Variants in TBC1D24 observed in about 807,000 individuals in gnomAD.
TBC1D24 encodes the protein Infantile myoclonic epilepsy.
In TBC1D24, 47 loss-of-function variants were observed where a neutral mutation model predicts 50.7. The ratio of observed to expected loss-of-function variants is 0.93; its 90% CI spans 0.73 to 1.18. TBC1D24 has a LOEUF of 1.18. TBC1D24 is among the 50% of genes most tolerant of loss of function. TBC1D24 has a pLI of 0.00. For missense variants in TBC1D24, 688 were observed against 766.5 expected (o/e 0.90, Z 1.21); for synonymous variants, 324 against 335.2 (o/e 0.97, Z 0.36).
intron 2 of TBC1D24, 143 bp downstream of exon 2, chr16:2,497,256 T>A (rs1164613847): frequency 1.7e-6 from 2 of 1,144,998 alleles, no homozygotes; most frequent in Non-Finnish European, 2.5e-6. Context: ...GAAAAGACAC[T>A]GAAACAGGAA....
chr16:2,498,394 C>CA lies in TBC1D24; in HGVS notation c.1141dup (p.Arg381LysfsTer7), dbSNP rs1205407936. The CA allele has an allele frequency of 1.2e-6, 2 of 1,603,472 alleles. No individual in the cohort carries two copies. The highest frequency in any genetic ancestry group is 1.7e-5 in the Admixed American group (1 of 58,638). ...CCCTGCAGCACGGGTACAGCCTGGCCAGGTAACACCCCAAGGGGCCAGAGC... is the reference window on the plus strand; with the variant it reads ...CCCTGCAGCACGGGTACAGCCTGGCCAAGGTAACACCCCAAGGGGCCAGAGC... On this transcript the variant is annotated frameshift_variant and splice_region_variant, in exon 4 of 8. Transcript: ENST00000646147. LOFTEE classifies it high-confidence loss of function.
rs544695547 is a variant in TBC1D24 at position 2,482,514 on chromosome 16, G to A, written c.-116+7344G>A. On this transcript the variant is annotated intron_variant, in intron 1 of 7. Transcript: ENST00000646147. The surrounding 1 kb of genome is among the most constrained non-coding windows in gnomAD (Gnocchi z 5.2). ...ACAGTGTAGTGTGGGGACTGCAGTT[G>A]GCACTGTGTGGCCAGGGCTCCGGAA... Among the ~76,000 whole-genome samples the A allele has an allele frequency of 1.3e-5, 2 of 152,316 alleles. No homozygotes were observed. The highest frequency in any genetic ancestry group is 4.8e-5 in the African/African-American group (2 of 41,568).
intron 1 of TBC1D24, chr16:2,481,935 C>G (rs932396738): frequency 6.6e-6 from 1 of 152,290 alleles, no homozygotes; most frequent in Non-Finnish European, 1.5e-5. Context: ...CATTGTGTGC[C>G]TCCGGCAAAG....
chr16:2,490,644 G>A (rs965028031), intron 1 of TBC1D24, among the ~76,000 whole-genome samples: 1 of 152,208 alleles, frequency 6.6e-6, no homozygotes, highest in African/African-American at 2.4e-5. Context: ...GGGTTGCTTG[G>A]GAACTGTTGC....
chr16:2,486,883 T>C lies in TBC1D24; in HGVS notation c.-115-9151T>C, dbSNP rs569643378. On this transcript the variant is annotated intron_variant, in intron 1 of 7. Transcript: ENST00000646147. The surrounding 1 kb of genome is among the most constrained non-coding windows in gnomAD (Gnocchi z 5.8). ...ACTGTCAGGCCACGGTCCTGTGGGA[T>C]CCAACCCTGAGCCATCTCTGGGGGT... Among the ~76,000 whole-genome samples, 150 of 152,286 alleles carry C rather than the reference T, an allele frequency of 9.8e-4. No homozygotes were observed. The highest frequency in any genetic ancestry group is 3.4e-3 in the African/African-American group (143 of 41,570).
At chr16:2,492,654 G>A (rs2065705000) in intron 1 of TBC1D24, among the ~76,000 whole-genome samples, 2 of 152,200 alleles carry the variant, frequency 1.3e-5, no homozygotes, top group South Asian at 2.1e-4. Flanking sequence ...GCGCATGTGA[G>A]TGGACCTGTC....
rs757521307 is a variant in TBC1D24 at position 2,496,979 on chromosome 16, G to A, written c.831G>A (p.Ala277=). 8.1e-6 allele frequency: 13 copies of A among 1,613,860 alleles called. No homozygotes were observed. The highest frequency in any genetic ancestry group is 1.3e-5 in the African/African-American group (1 of 74,944). ...QDIRTFVRDI[A]KTVSPEKLLE... is the part of the protein sequence containing the mutation. Reference sequence around the variant, plus strand: ...TCCGCACGTTCGTCAGAGACATCGCGAAGACGGTGTCCCCTGAGAAGCTGC... The same window carrying A: ...TCCGCACGTTCGTCAGAGACATCGCAAAGACGGTGTCCCCTGAGAAGCTGC... Residue 277 remains alanine (A), a synonymous_variant, in exon 2 of 8, where the codon GCG becomes GCA. Coordinates refer to ENST00000646147, the MANE Select transcript of TBC1D24 (RefSeq NM_001199107.2).
In TBC1D24 at chr16:2,475,638, C is replaced by T. The variant is rs1252290137; in HGVS notation, c.-116+468C>T. Among the ~76,000 whole-genome samples, 1 of 150,100 alleles carries T rather than the reference C, an allele frequency of 6.7e-6. No individual in the cohort carries two copies. The highest frequency in any genetic ancestry group is 1.5e-5 in the Non-Finnish European group (1 of 67,862). On this transcript the variant is annotated intron_variant, in intron 1 of 7. Transcript: ENST00000646147. This position sits in a 1 kb window ranked among gnomAD's most constrained non-coding sequence, Gnocchi z 4.2. ...CCGCCCCGCCCAGGGATGACACACG[C>T]CCCCACCGACCACCCGCTTGGGGGT... is the stretch of plus-strand genomic sequence containing the variant.
Position 2,496,659 on chromosome 16 carries a change from C to G in TBC1D24, c.511C>G (p.Gln171Glu). ...CNDPGRRLID[Q>E]SFLAFESSCM... The stretch of plus-strand genomic sequence containing the variant: ...TGACCCCGGCAGGAGGCTGATCGAC[C>G]AGAGCTTCCTGGCCTTTGAGTCGTC... Residue 171 changes from glutamine to glutamate, a missense_variant, in exon 2 of 8, where the codon CAG (glutamine) becomes GAG (glutamate). Gln to Glu is a conservative substitution (Grantham distance 29). Coordinates refer to ENST00000646147, the MANE Select transcript of TBC1D24 (RefSeq NM_001199107.2). 6.2e-7 allele frequency: 1 copy of G among 1,613,028 alleles called. No homozygotes were observed. The highest frequency in any genetic ancestry group is 8.5e-7 in the Non-Finnish European group (1 of 1,180,024).
chr16:2,500,990 G>A lies in TBC1D24; in HGVS notation c.*32G>A, dbSNP rs1401074951. 1 of 1,604,526 alleles carries A rather than the reference G, an allele frequency of 6.2e-7. No individual in the cohort carries two copies. The highest frequency in any genetic ancestry group is 1.3e-5 in the African/African-American group (1 of 74,920). On this transcript the variant is annotated 3_prime_UTR_variant, in exon 8 of 8. Transcript: ENST00000646147. This position sits in a 1 kb window ranked among gnomAD's most constrained non-coding sequence, Gnocchi z 8.0. ...GTGCCACGGTGACTGAGCCGTGGTG[G>A]GGCGGTGGGCCGAGGCTGGGCTGCC...
chr16:2,500,196 C>T lies in TBC1D24; in HGVS notation c.1303-72C>T, dbSNP rs549533217. 4.9e-5 allele frequency: 69 copies of T among 1,401,018 alleles called. No homozygotes were observed. The highest frequency in any genetic ancestry group is 5.7e-5 in the Non-Finnish European group (58 of 1,012,428). The allele number at this position is 1,401,018 out of a possible 1,614,324, so 86.8% of individuals were successfully genotyped here. ...CTGGGTGCAGATTCACGGGATGAAACGGGTTGTGGCTCTGGGGCAGAGGGG... is the reference window on the plus strand; with the variant it reads ...CTGGGTGCAGATTCACGGGATGAAATGGGTTGTGGCTCTGGGGCAGAGGGG... On this transcript the variant is annotated intron_variant, in intron 6 of 7. Transcript: ENST00000646147. This position sits in a 1 kb window ranked among gnomAD's most constrained non-coding sequence, Gnocchi z 8.0.
chr16:2,494,982 G>A (rs888372543), intron 1 of TBC1D24, among the ~76,000 whole-genome samples: 1 of 149,716 alleles, frequency 6.7e-6, no homozygotes, highest in African/African-American at 2.5e-5. Flanking sequence ...GGCCAACCTG[G>A]GTGACAGAAC....
At position 2,504,853 on chromosome 16, in the gene TBC1D24, C is replaced by T. The variant is rs2065823053; in HGVS notation, c.*3895C>T. 1 of 152,184 alleles carries T rather than the reference C, an allele frequency of 6.6e-6. No homozygotes were observed. Among genetic ancestry groups the T allele is most frequent in the Admixed American group, 6.5e-5 (1 of 15,276 alleles). 9.4% of individuals were successfully genotyped at this position (152,184 alleles called of 1,614,324 possible). On this transcript the variant is annotated 3_prime_UTR_variant, in exon 8 of 8. Transcript: ENST00000646147. ...CTGGTCAAAAAAACCCAAATGGCCA[C>T]TAATTAGGCAATACAGCACCTGCCT...
In TBC1D24 at chr16:2,504,442, A is replaced by G. The variant is rs1005874365; in HGVS notation, c.*3484A>G. 6 of 125,188 alleles carry G rather than the reference A, an allele frequency of 4.8e-5. No homozygotes were observed. Among genetic ancestry groups the G allele is most frequent in the African/African-American group, 1.2e-4 (3 of 24,344 alleles). 7.8% of individuals were successfully genotyped at this position (125,188 alleles called of 1,614,324 possible). A position where few individuals can be genotyped will look rare whatever the true frequency, so the allele number is the denominator to read the frequency against. ...TTTTTTTTTTTTTTTTTTTTGAGAC[A>G]GAGTCTCGCTCTGTCGCCCAGGCTG... On this transcript the variant is annotated 3_prime_UTR_variant, in exon 8 of 8. Coordinates refer to ENST00000646147, the MANE Select transcript of TBC1D24 (RefSeq NM_001199107.2).
At position 2,500,033 on chromosome 16, in the gene TBC1D24, C is replaced by T; in HGVS notation, c.1302+103C>T. On this transcript the variant is annotated intron_variant, in intron 6 of 7. Coordinates refer to ENST00000646147, the MANE Select transcript of TBC1D24 (RefSeq NM_001199107.2). The surrounding 1 kb of genome is among the most constrained non-coding windows in gnomAD (Gnocchi z 8.0). ...GGGACACTGTTGGGTGTCGCCATGG[C>T]AGTCACCCAGCAGCGTCATCGCCCT... 2 of 1,110,596 alleles carry T rather than the reference C, an allele frequency of 1.8e-6. No individual in the cohort carries two copies. Among genetic ancestry groups the T allele is most frequent in the East Asian group, 4.7e-5 (2 of 42,426 alleles). 68.8% of individuals were successfully genotyped at this position (1,110,596 alleles called of 1,614,324 possible). A position where few individuals can be genotyped will look rare whatever the true frequency, so the allele number is the denominator to read the frequency against.
chr16:2,489,168 A>G (rs2065676140), intron 1 of TBC1D24, among the ~76,000 whole-genome samples: 1 of 151,518 alleles, frequency 6.6e-6, no homozygotes, highest in South Asian at 2.1e-4. Flanking sequence ...CCAATGGCTC[A>G]CGCCTGTAAT....
At chr16:2,488,403 G>A (rs1567407478) in intron 1 of TBC1D24, among the ~76,000 whole-genome samples, 1 of 152,094 alleles carries the variant, frequency 6.6e-6, no homozygotes, top group Non-Finnish European at 1.5e-5. Context: ...GTGGCCAGAG[G>A]GCACGGTGGT....
In TBC1D24 at chr16:2,486,221, G is replaced by T. The variant is rs538729040; in HGVS notation, c.-115-9813G>T. 4.1e-4 allele frequency among the ~76,000 whole-genome samples: 63 copies of T among 152,314 alleles called. No homozygotes were observed. Among genetic ancestry groups the T allele is most frequent in the African/African-American group, 1.4e-3 (59 of 41,566 alleles). On this transcript the variant is annotated intron_variant, in intron 1 of 7. Coordinates refer to ENST00000646147, the MANE Select transcript of TBC1D24 (RefSeq NM_001199107.2). This position sits in a 1 kb window ranked among gnomAD's most constrained non-coding sequence, Gnocchi z 5.8. ...GAGAGGAGCCTGCATCTCCTATCACGTGAAGCCCGCAGGGGCCACAGCACC... is the reference window on the plus strand; with the variant it reads ...GAGAGGAGCCTGCATCTCCTATCACTTGAAGCCCGCAGGGGCCACAGCACC...
chr16:2,495,378 G>A (rs2065728421), intron 1 of TBC1D24, among the ~76,000 whole-genome samples: 1 of 152,186 alleles, frequency 6.6e-6, no homozygotes, highest in South Asian at 2.1e-4. Context: ...GGGCACAGTG[G>A]CTCATGCCTG....
Sources: gnomAD v4.1 joint callset for allele counts (sites outside exome capture counted in the v4.1 genomes callset) on GRCh38, gnomAD v4.1.1 for gene constraint, Gnocchi (gnomAD v3.1) non-coding constraint, MANE v1.5 for transcripts, NCBI Gene and HGNC (gene_info 2026-07-23, HGNC 2026-07-21) for gene names.